PTPRD: variants seen among roughly 807,000 people sequenced by gnomAD.
PTPRD encodes the protein receptor-type tyrosine-protein phosphatase delta.
PTPRD carries 34 observed loss-of-function variants against 214.5 expected under a neutral mutation model. The ratio of observed to expected loss-of-function variants is 0.16; its 90% CI spans 0.12 to 0.21. The LOEUF (loss-of-function observed/expected upper bound fraction) is 0.21. Ranked by LOEUF, PTPRD falls within the 10% of genes least tolerant of loss-of-function variation. The pLI is 1.00. For synonymous variants in PTPRD, 1,128 were observed against 845.7 expected, an observed-to-expected ratio of 1.33 and a Z score of -5.79; for missense variants, 2,545 against 2,398.7, an observed-to-expected ratio of 1.06 and a Z score of -1.27.
intron 7 of PTPRD, among the ~76,000 whole-genome samples, chr9:9,665,686 C>T (rs908073650): frequency 1.3e-5 from 2 of 151,678 alleles, no homozygotes; most frequent in African/African-American, 4.8e-5. Context: ...CAGAATAGTT[C>T]TATTTGAATT....
chr9:10,299,845 C>A (rs768433345), intron 3 of PTPRD, among the ~76,000 whole-genome samples: 2 of 152,154 alleles, frequency 1.3e-5, no homozygotes, highest in Non-Finnish European at 2.9e-5. Flanking sequence ...TTATCTCTAT[C>A]ACTGATGCTT....
chr9:10,220,457 C>T (rs1318415264), intron 3 of PTPRD, among the ~76,000 whole-genome samples: 3 of 151,882 alleles, frequency 2.0e-5, no homozygotes, highest in Admixed American at 2.0e-4. Context: ...GCAAGTATAT[C>T]TCTAGAGTCC....
intron 9 of PTPRD, among the ~76,000 whole-genome samples, chr9:9,306,161 T>C (rs1281666586): frequency 6.6e-6 from 1 of 152,056 alleles, no homozygotes; most frequent in Non-Finnish European, 1.5e-5. Context: ...ATTCTATGAG[T>C]AAAAACATGT....
At chr9:9,934,012 G>A (rs1489761976) in intron 5 of PTPRD, among the ~76,000 whole-genome samples, 2 of 147,972 alleles carry the variant, frequency 1.4e-5, no homozygotes, top group East Asian at 2.0e-4. Context: ...CAGAAATAAA[G>A]ATGTTCTTTG....
chr9:10,279,883 C>T (rs1189215812), intron 3 of PTPRD, among the ~76,000 whole-genome samples: 2 of 151,274 alleles, frequency 1.3e-5, no homozygotes, highest in Non-Finnish European at 1.5e-5. Flanking sequence ...TTGTTATCCT[C>T]ATTTATATAA....
intron 11 of PTPRD, among the ~76,000 whole-genome samples, chr9:8,775,334 C>A (rs1163852731): frequency 6.6e-6 from 1 of 152,128 alleles, no homozygotes; most frequent in East Asian, 1.9e-4. Flanking sequence ...AGCTTTCATG[C>A]TTCCTGAGGC....
At chr9:9,725,257 A>G (rs1396397903) in intron 7 of PTPRD, among the ~76,000 whole-genome samples, 1 of 151,842 alleles carries the variant, frequency 6.6e-6, no homozygotes, top group Non-Finnish European at 1.5e-5. Flanking sequence ...TTCCCATGAT[A>G]GTGAATAAGT....
chr9:9,818,865 A>AAGATTGTG (rs1468420981), intron 5 of PTPRD, among the ~76,000 whole-genome samples: 5 of 147,138 alleles, frequency 3.4e-5, no homozygotes, highest in Admixed American at 1.4e-4. Flanking sequence ...TCAGTGAGCC[A>AAGATTGTG]AGATTGTGGC....
intron 30 of PTPRD, among the ~76,000 whole-genome samples, chr9:8,483,696 T>C (rs1334059750): frequency 6.6e-6 from 1 of 152,196 alleles, no homozygotes; most frequent in African/African-American, 2.4e-5. Flanking sequence ...AGGGAATCTC[T>C]TGAACCCGGG....
intron 3 of PTPRD, among the ~76,000 whole-genome samples, chr9:10,200,872 G>A (rs1375590029): frequency 1.3e-5 from 2 of 151,972 alleles, no homozygotes; most frequent in African/African-American, 4.8e-5. Flanking sequence ...ATACTAAGAA[G>A]AACCAGGAAA....
At chr9:8,648,577 T>C (rs1169971252) in intron 12 of PTPRD, among the ~76,000 whole-genome samples, 1 of 152,208 alleles carries the variant, frequency 6.6e-6, no homozygotes, top group East Asian at 1.9e-4. Flanking sequence ...GCCTCTAGAT[T>C]TGCTTACTAC....
chr9:8,898,172 T>C (rs1350364246), intron 11 of PTPRD, among the ~76,000 whole-genome samples: 1 of 152,192 alleles, frequency 6.6e-6, no homozygotes, highest in Non-Finnish European at 1.5e-5. Flanking sequence ...GTATGATTTG[T>C]AGGACATTAT....
At chr9:9,411,855 G>C (rs1450989499) in intron 8 of PTPRD, among the ~76,000 whole-genome samples, 1 of 152,190 alleles carries the variant, frequency 6.6e-6, no homozygotes, top group Non-Finnish European at 1.5e-5. Context: ...TTCTGTGTAG[G>C]GAAATGAAAT....
At chr9:8,912,297 C>G (rs2098753719) in intron 11 of PTPRD, among the ~76,000 whole-genome samples, 1 of 152,048 alleles carries the variant, frequency 6.6e-6, no homozygotes, top group Non-Finnish European at 1.5e-5. Context: ...GTTATATATA[C>G]TTGGAATGGA....
At chr9:8,780,374 G>T (rs1195951070) in intron 11 of PTPRD, among the ~76,000 whole-genome samples, 1 of 147,828 alleles carries the variant, frequency 6.8e-6, no homozygotes, top group Non-Finnish European at 1.5e-5. Flanking sequence ...CTCAACCTGC[G>T]CTAGGCACAG....
intron 10 of PTPRD, among the ~76,000 whole-genome samples, chr9:9,152,590 G>A (rs1357863680): frequency 6.6e-6 from 1 of 152,186 alleles, no homozygotes; most frequent in Non-Finnish European, 1.5e-5. Context: ...CTTTATCATT[G>A]GGTGGTGGAG....
intron 14 of PTPRD, among the ~76,000 whole-genome samples, chr9:8,537,923 C>T (rs1421488287): frequency 6.6e-6 from 1 of 151,980 alleles, no homozygotes; most frequent in Non-Finnish European, 1.5e-5. Context: ...TTAAGGCATA[C>T]TGTTATTAGT....
At chr9:9,065,718 A>G (rs16928863) in intron 10 of PTPRD, among the ~76,000 whole-genome samples, 11,495 of 152,094 alleles carry the variant, frequency 0.076, 486 homozygotes, top group Middle Eastern at 0.12. Flanking sequence ...TAGACTACAA[A>G]CTTTCCCTCT....
At chr9:8,512,536 C>T (rs1173109752) in intron 21 of PTPRD, among the ~76,000 whole-genome samples, 1 of 151,916 alleles carries the variant, frequency 6.6e-6, no homozygotes, top group African/African-American at 2.4e-5. Context: ...TTCTGGAAAC[C>T]TAACAGACTT....
Sources: gnomAD v4.1 joint callset for allele counts (sites outside exome capture counted in the v4.1 genomes callset) on GRCh38, gnomAD v4.1.1 for gene constraint, MANE v1.5 for transcripts, NCBI Gene and HGNC (gene_info 2026-07-23, HGNC 2026-07-21) for gene names.